MB21D2: variants seen among roughly 807,000 people sequenced by gnomAD.
MB21D2 encodes the protein nucleotidyltransferase MB21D2.
A neutral mutation model predicts 33.3 loss-of-function variants in MB21D2; 9 were observed. The ratio of observed to expected loss-of-function variants is 0.27; its 90% confidence interval spans 0.16 to 0.47. MB21D2 has a LOEUF of 0.47. Ranked by LOEUF, MB21D2 falls within the 20% of genes least tolerant of loss-of-function variation. The pLI is 0.99. For missense variants in MB21D2, 540 were observed against 624.6 expected (o/e 0.86, Z 1.44); for synonymous variants, 241 against 236.3 (o/e 1.02, Z -0.18).
rs561822343 is a variant in MB21D2, at chr3:192,886,523, AAAAG to A, written c.211+31103_211+31106del. 5.9e-5 allele frequency among the ~76,000 whole-genome samples: 9 copies of A among 152,268 alleles called. No homozygotes were observed. The South Asian group carries it at 1.7e-3, about 28-fold the overall frequency. On this transcript the variant is annotated intron_variant, in intron 1 of 1. Transcript: ENST00000392452. ...TTCGGGCTTTTGAATAATAATTTAA[AAAAG>A]AAAGCTACAGATACAGTTATTCCAT...
intron 1 of MB21D2, among the ~76,000 whole-genome samples, chr3:192,878,204 CTCCTCTTA>C (rs1029247548): frequency 5.9e-5 from 9 of 151,668 alleles, no homozygotes; most frequent in African/African-American, 2.2e-4. Context: ...GGTTCACGCC[CTCCTCTTA>C]TCCTCACCTC....
chr3:192,847,520 G>A (rs899623154), intron 1 of MB21D2, among the ~76,000 whole-genome samples: 2 of 152,156 alleles, frequency 1.3e-5, no homozygotes, highest in East Asian at 1.9e-4. Flanking sequence ...TGAAACATGA[G>A]GATTAAATGA....
Position 192,804,747 on chromosome 3 carries a change from C to T in MB21D2, c.212-5097G>A, listed in dbSNP as rs557425671. Among the ~76,000 whole-genome samples, 216 of 152,230 alleles carry T rather than the reference C, an allele frequency of 1.4e-3. 1 individual carries two copies. Among genetic ancestry groups the T allele is most frequent in the Admixed American group, 3.5e-3 (54 of 15,290 alleles). On this transcript the variant is annotated intron_variant, in intron 1 of 1. Coordinates refer to ENST00000392452, the MANE Select transcript of MB21D2 (RefSeq NM_178496.4). ...ACAAAGTCCTTCTTTCATTCTGATGCATCCCCTAGGGTAAGTCTCCTTGGT... is the reference window on the plus strand; with the variant it reads ...ACAAAGTCCTTCTTTCATTCTGATGTATCCCCTAGGGTAAGTCTCCTTGGT...
chr3:192,888,096 C>T (rs1026723392), intron 1 of MB21D2, among the ~76,000 whole-genome samples: 1 of 152,046 alleles, frequency 6.6e-6, no homozygotes, highest in Non-Finnish European at 1.5e-5. Context: ...AAAAGTCTCC[C>T]GGCTCCTTTG....
intron 1 of MB21D2, among the ~76,000 whole-genome samples, chr3:192,910,252 G>A (rs1414854581): frequency 7.2e-6 from 1 of 139,808 alleles, no homozygotes; most frequent in African/African-American, 2.7e-5. Context: ...AATCACTTGA[G>A]CCCAAGAGTT....
intron 1 of MB21D2, among the ~76,000 whole-genome samples, chr3:192,890,314 TA>T (rs1199055734): frequency 6.6e-6 from 1 of 152,060 alleles, no homozygotes; most frequent in East Asian, 1.9e-4. Flanking sequence ...CCAACATAAA[TA>T]AAAAGACTAA....
intron 1 of MB21D2, among the ~76,000 whole-genome samples, chr3:192,833,494 G>A (rs1482369412): frequency 1.3e-5 from 2 of 152,166 alleles, no homozygotes; most frequent in Non-Finnish European, 2.9e-5. Flanking sequence ...TTTCGCAACA[G>A]AAATTCATCC....
intron 1 of MB21D2, among the ~76,000 whole-genome samples, chr3:192,829,527 C>G (rs1712267063): frequency 6.6e-6 from 1 of 152,324 alleles, no homozygotes; most frequent in Middle Eastern, 3.4e-3. Context: ...TAATGGGCAA[C>G]CTCAGATAAT....
intron 1 of MB21D2, among the ~76,000 whole-genome samples, chr3:192,910,370 T>C (rs1377906007): frequency 6.6e-6 from 1 of 151,708 alleles, no homozygotes; most frequent in Non-Finnish European, 1.5e-5. Flanking sequence ...CCCAGGTACT[T>C]GGGATGCTGA....
intron 1 of MB21D2, among the ~76,000 whole-genome samples, chr3:192,834,975 A>T (rs1443019730): frequency 1.3e-5 from 2 of 150,962 alleles, no homozygotes; most frequent in East Asian, 4.0e-4. Context: ...ATGCCCAGCT[A>T]ATTTTTGTAT....
intron 1 of MB21D2, among the ~76,000 whole-genome samples, chr3:192,854,449 T>C (rs750851435): frequency 6.6e-6 from 1 of 152,172 alleles, no homozygotes; most frequent in Non-Finnish European, 1.5e-5. Flanking sequence ...AACTGGCTCA[T>C]GAGATTTAAG....
chr3:192,824,217 T>G (rs977133280), intron 1 of MB21D2, among the ~76,000 whole-genome samples: 16 of 152,204 alleles, frequency 1.1e-4, no homozygotes, highest in African/African-American at 3.6e-4. Context: ...GCCCTCATAG[T>G]AAAAATTCAA....
At position 192,828,613 on chromosome 3, in the gene MB21D2, T is replaced by C. The variant is rs1360074863; in HGVS notation, c.212-28963A>G. 8.7e-3 allele frequency among the ~76,000 whole-genome samples: 63 copies of C among 7,226 alleles called. 5 individuals carry two copies. Among genetic ancestry groups the C allele is most frequent in the South Asian group, 0.053 (8 of 152 alleles). 4.7% of individuals were successfully genotyped at this position (7,226 alleles called of 152,430 possible). On this transcript the variant is annotated intron_variant, in intron 1 of 1. Transcript: ENST00000392452. ...CCCCATATATATATATATATATATA[T>C]ATATATATATATATATATATATATA...
At chr3:192,912,546 G>A (rs1344639704) in intron 1 of MB21D2, among the ~76,000 whole-genome samples, 7 of 151,990 alleles carry the variant, frequency 4.6e-5, no homozygotes, top group East Asian at 1.9e-4. Context: ...GGTAGCGGGC[G>A]CCTGTAATCC....
chr3:192,883,241 A>G (rs1713645503), intron 1 of MB21D2, among the ~76,000 whole-genome samples: 1 of 151,850 alleles, frequency 6.6e-6, no homozygotes, highest in African/African-American at 2.4e-5. Flanking sequence ...CAGCTCCTCA[A>G]ATGCTCTTTG....
chr3:192,858,771 T>A (rs1223534832), intron 1 of MB21D2, among the ~76,000 whole-genome samples: 1 of 152,158 alleles, frequency 6.6e-6, no homozygotes, highest in East Asian at 1.9e-4. Flanking sequence ...GGAGAGGATA[T>A]CCTCCCAGGA....
At chr3:192,874,788 G>T (rs1713393099) in intron 1 of MB21D2, among the ~76,000 whole-genome samples, 1 of 152,178 alleles carries the variant, frequency 6.6e-6, no homozygotes, top group Admixed American at 6.5e-5. Context: ...AGGAACATAA[G>T]CTTGGAGCAT....
intron 1 of MB21D2, among the ~76,000 whole-genome samples, chr3:192,828,298 G>A (rs1712221574): frequency 1.3e-5 from 2 of 151,750 alleles, no homozygotes. Context: ...GCACAGTGAA[G>A]TGTGGGTTTT....
intron 1 of MB21D2, among the ~76,000 whole-genome samples, chr3:192,812,134 G>A (rs995170029): frequency 2.6e-5 from 4 of 151,956 alleles, no homozygotes; most frequent in Admixed American, 1.3e-4. Flanking sequence ...TGCAACCTCT[G>A]CCTCCCAGGT....
Sources: gnomAD v4.1 joint callset for allele counts (sites outside exome capture counted in the v4.1 genomes callset) on GRCh38, gnomAD v4.1.1 for gene constraint, MANE v1.5 for transcripts, NCBI Gene and HGNC (gene_info 2026-07-23, HGNC 2026-07-21) for gene names.